Variants in CDH12 observed in about 807,000 individuals in gnomAD.
CDH12 encodes the protein cadherin 12.
In CDH12, 41 loss-of-function variants were observed where a neutral mutation model predicts 74.1. The ratio of observed to expected loss-of-function variants is 0.55; its 90% confidence interval spans 0.43 to 0.72. The LOEUF is 0.72. CDH12 is among the 30% of genes least tolerant of loss of function. CDH12 has a pLI of 0.00. For synonymous variants in CDH12, 399 were observed against 355.0 expected, an observed-to-expected ratio of 1.12 and a Z score of -1.39; for missense variants, 945 against 977.2, an observed-to-expected ratio of 0.97 and a Z score of 0.44.
At chr5:22,145,332 CAT>C (rs1747091596) in intron 4 of CDH12, among the ~76,000 whole-genome samples, 1 of 152,046 alleles carries the variant, frequency 6.6e-6, no homozygotes, top group East Asian at 1.9e-4. Context: ...GATTCTATCA[CAT>C]GATACCTTTT....
chr5:22,848,974 A>T (rs1164452801), intron 1 of CDH12, among the ~76,000 whole-genome samples: 1 of 148,832 alleles, frequency 6.7e-6, no homozygotes, highest in African/African-American at 2.5e-5. Flanking sequence ...GAGGACTCAC[A>T]TTTCATCAAA....
intron 5 of CDH12, among the ~76,000 whole-genome samples, chr5:21,998,715 C>T (rs1235266419): frequency 2.0e-5 from 3 of 152,140 alleles, no homozygotes; most frequent in South Asian, 2.1e-4. Flanking sequence ...TAAAAGCAAA[C>T]TTAAACATAT....
intron 2 of CDH12, among the ~76,000 whole-genome samples, chr5:22,482,139 AC>A (rs1289342170): frequency 6.6e-6 from 1 of 152,156 alleles, no homozygotes; most frequent in African/African-American, 2.4e-5. Flanking sequence ...GAACCCATGA[AC>A]GTTAAAATGA....
At chr5:22,085,013 C>G (rs1192891562) in intron 4 of CDH12, among the ~76,000 whole-genome samples, 2 of 152,070 alleles carry the variant, frequency 1.3e-5, no homozygotes, top group Non-Finnish European at 2.9e-5. Flanking sequence ...AGGACATCAC[C>G]AGAAGTAGGT....
chr5:21,998,468 G>A (rs182795705), intron 5 of CDH12, among the ~76,000 whole-genome samples: 96 of 152,074 alleles, frequency 6.3e-4, no homozygotes, highest in African/African-American at 2.0e-3. Context: ...TTGAGTTTAC[G>A]TAGTACAGAG....
intron 1 of CDH12, among the ~76,000 whole-genome samples, chr5:22,643,605 T>A (rs1739265878): frequency 6.6e-6 from 1 of 152,068 alleles, no homozygotes; most frequent in African/African-American, 2.4e-5. Context: ...AAGTTAAAGC[T>A]AAACTCTTGC....
At chr5:22,589,397 G>A (rs1383036124) in intron 1 of CDH12, among the ~76,000 whole-genome samples, 1 of 152,148 alleles carries the variant, frequency 6.6e-6, no homozygotes, top group African/African-American at 2.4e-5. Flanking sequence ...GTTTGATGTT[G>A]TAATCCATCA....
chr5:22,414,532 T>C (rs1743300746), intron 2 of CDH12, among the ~76,000 whole-genome samples: 1 of 151,964 alleles, frequency 6.6e-6, no homozygotes, highest in Admixed American at 6.6e-5. Flanking sequence ...TAGCTTAAAT[T>C]CTTAGTGGGG....
At chr5:22,376,505 T>G (rs188899377) in intron 3 of CDH12, among the ~76,000 whole-genome samples, 1 of 152,220 alleles carries the variant, frequency 6.6e-6, no homozygotes, top group East Asian at 1.9e-4. Flanking sequence ...GATGATACAT[T>G]ACATACCCTG....
rs1463171508 is a variant in CDH12, at chr5:21,975,071, A to G, written c.526+20T>C. On this transcript the variant is annotated intron_variant, in intron 6 of 14. Transcript: ENST00000382254. Reference sequence around the variant, plus strand: ...AAGAGGTCTCATTGTATCTCACAGAATTTTGATTTGCCTACTCACCCACAG... The same window carrying G: ...AAGAGGTCTCATTGTATCTCACAGAGTTTTGATTTGCCTACTCACCCACAG... 1.3e-6 allele frequency: 2 copies of G among 1,556,182 alleles called. No individual in the cohort carries two copies. Among genetic ancestry groups the G allele is most frequent in the Non-Finnish European group, 1.7e-6 (2 of 1,154,462 alleles).
In CDH12 at chr5:22,153,858, GTATA is replaced by G. The variant is rs1208832724; in HGVS notation, c.-187+58636_-187+58639del. On this transcript the variant is annotated intron_variant, in intron 4 of 14. Transcript: ENST00000382254. ...TATATATATACATATATGTGTGTGT[GTATA>G]TATATATATGTATATATATATATAT... 5.8e-3 allele frequency among the ~76,000 whole-genome samples: 599 copies of G among 103,168 alleles called. 4 individuals are homozygous for G. The highest frequency in any genetic ancestry group is 0.014 in the African/African-American group (353 of 25,300). 67.7% of individuals were successfully genotyped at this position (103,168 alleles called of 152,430 possible).
chr5:22,574,729 A>G (rs1047284547), intron 1 of CDH12, among the ~76,000 whole-genome samples: 1 of 152,058 alleles, frequency 6.6e-6, no homozygotes, highest in Admixed American at 6.6e-5. Flanking sequence ...CTTAACTCAA[A>G]TGCTATCAGG....
intron 6 of CDH12, among the ~76,000 whole-genome samples, chr5:21,876,478 C>A (rs1224977352): frequency 1.3e-5 from 2 of 152,268 alleles, no homozygotes; most frequent in East Asian, 1.9e-4. Flanking sequence ...TTAACTAGAC[C>A]AGGATAAATC....
chr5:22,237,291 C>T (rs768868970), intron 3 of CDH12, among the ~76,000 whole-genome samples: 14 of 152,114 alleles, frequency 9.2e-5, no homozygotes, highest in Non-Finnish European at 1.8e-4. Flanking sequence ...GAGGAAAATT[C>T]TGGCTATCTG....
At chr5:22,261,001 C>A (rs1465525300) in intron 3 of CDH12, among the ~76,000 whole-genome samples, 1 of 151,446 alleles carries the variant, frequency 6.6e-6, no homozygotes, top group African/African-American at 2.4e-5. Context: ...ACATTTATAT[C>A]CTAGAAGACA....
chr5:22,579,163 T>C (rs1365670448), intron 1 of CDH12, among the ~76,000 whole-genome samples: 1 of 152,184 alleles, frequency 6.6e-6, no homozygotes, highest in African/African-American at 2.4e-5. Flanking sequence ...ATACTACTTA[T>C]AGATATGAGA....
chr5:22,105,614 C>T (rs1744392302), intron 4 of CDH12, among the ~76,000 whole-genome samples: 1 of 151,572 alleles, frequency 6.6e-6, no homozygotes, highest in Non-Finnish European at 1.5e-5. Context: ...AGGATAATCG[C>T]TTGAACCCAG....
chr5:22,143,995 A>C (rs1746990059), intron 4 of CDH12: 1 of 152,126 alleles, frequency 6.6e-6, no homozygotes, highest in African/African-American at 2.4e-5. Flanking sequence ...TCAACCAGTA[A>C]ATTGCAGATT....
intron 3 of CDH12, among the ~76,000 whole-genome samples, chr5:22,356,379 AT>A (rs1217377021): frequency 1.3e-5 from 2 of 152,192 alleles, no homozygotes; most frequent in Non-Finnish European, 2.9e-5. Flanking sequence ...CCATGTTGTC[AT>A]TTGAAAATGT....
Sources: gnomAD v4.1 joint callset for allele counts (sites outside exome capture counted in the v4.1 genomes callset) on GRCh38, gnomAD v4.1.1 for gene constraint, MANE v1.5 for transcripts, NCBI Gene and HGNC (gene_info 2026-07-23, HGNC 2026-07-21) for gene names.